NPAS3: variants seen among roughly 807,000 people sequenced by gnomAD.
The protein encoded by NPAS3 is neuronal PAS domain protein 3, also known as neuronal PAS domain-containing protein 3.
A neutral mutation model predicts 73.1 loss-of-function variants in NPAS3; 14 were observed. The ratio of observed to expected loss-of-function variants is 0.19; its 90% CI spans 0.13 to 0.30. The LOEUF (loss-of-function observed/expected upper bound fraction) is 0.30. Among genes scored for constraint, NPAS3 ranks in the 10% least tolerant of loss-of-function variants. The pLI, the probability that NPAS3 is intolerant of heterozygous loss-of-function variation, is 1.00. For missense variants in NPAS3, 1,096 were observed against 1,250.0 expected, an observed-to-expected ratio of 0.88 and a Z score of 1.86; for synonymous variants, 620 against 541.5, an observed-to-expected ratio of 1.14 and a Z score of -2.01.
At chr14:33,530,225 A>G (rs535743936) in intron 4 of NPAS3, among the ~76,000 whole-genome samples, 13 of 152,320 alleles carry the variant, frequency 8.5e-5, no homozygotes, top group African/African-American at 2.9e-4. Context: ...CTGTGCAGCT[A>G]GAAATAAATG....
intron 4 of NPAS3, among the ~76,000 whole-genome samples, chr14:33,378,489 A>G (rs2046398546): frequency 6.6e-6 from 1 of 152,250 alleles, no homozygotes; most frequent in East Asian, 1.9e-4. Flanking sequence ...TACAAAAATT[A>G]GCTGGGTATG....
intron 3 of NPAS3, among the ~76,000 whole-genome samples, chr14:33,242,215 A>G (rs2048233387): frequency 6.6e-6 from 1 of 152,090 alleles, no homozygotes; most frequent in Non-Finnish European, 1.5e-5. Flanking sequence ...ATTGAGAATA[A>G]AAAACAAATA....
intron 5 of NPAS3, among the ~76,000 whole-genome samples, chr14:33,596,781 C>A (rs1236866020): frequency 6.6e-6 from 1 of 152,192 alleles, no homozygotes; most frequent in Non-Finnish European, 1.5e-5. Context: ...TATATTCATT[C>A]TTCAGCCATT....
In NPAS3 at chr14:33,455,340, A is replaced by G. The variant is rs112199513; in HGVS notation, c.468+88072A>G. 8.4e-3 allele frequency among the ~76,000 whole-genome samples: 1,274 copies of G among 152,294 alleles called. 13 individuals carry two copies. The highest frequency in any genetic ancestry group is 0.028 in the African/African-American group (1,174 of 41,558). On this transcript the variant is annotated intron_variant, in intron 4 of 11. Coordinates refer to ENST00000356141, the Ensembl canonical transcript of NPAS3. ...GGGTAGAAGCCAAAGTTTGTTATGA[A>G]TTTAAAACTTTGCTATGGTGCCTTC...
intron 5 of NPAS3, among the ~76,000 whole-genome samples, chr14:33,561,186 C>T (rs2055632047): frequency 6.6e-6 from 1 of 152,196 alleles, no homozygotes; most frequent in South Asian, 2.1e-4. Flanking sequence ...TCCTTTAAAG[C>T]AGGACCTACC....
intron 10 of NPAS3, among the ~76,000 whole-genome samples, chr14:33,797,033 C>T (rs959842277): frequency 6.6e-6 from 1 of 152,132 alleles, no homozygotes; most frequent in African/African-American, 2.4e-5. Flanking sequence ...TGAGAAGCTA[C>T]ATCAAGGGCC....
chr14:33,687,886 GTC>G (rs2060133011), intron 6 of NPAS3, among the ~76,000 whole-genome samples: 1 of 152,156 alleles, frequency 6.6e-6, no homozygotes, highest in Non-Finnish European at 1.5e-5. Context: ...CCCAATAGGA[GTC>G]AAAAAATTTT....
chr14:33,464,770 G>A (rs1040778648), intron 4 of NPAS3, among the ~76,000 whole-genome samples: 1 of 152,162 alleles, frequency 6.6e-6, no homozygotes, highest in Non-Finnish European at 1.5e-5. Context: ...GGAGCTGTTT[G>A]TACCTTCCTG....
intron 3 of NPAS3, among the ~76,000 whole-genome samples, chr14:33,341,660 T>C (rs1019350285): frequency 2.0e-5 from 3 of 152,158 alleles, no homozygotes; most frequent in Admixed American, 1.3e-4. Flanking sequence ...AATGCAGTGA[T>C]ACCTGTACTT....
intron 2 of NPAS3, among the ~76,000 whole-genome samples, chr14:33,175,320 A>G (rs2045548013): frequency 6.6e-6 from 1 of 152,170 alleles, no homozygotes; most frequent in Admixed American, 6.5e-5. Context: ...CAGAGTTGCT[A>G]TTCTGTCCTT....
At chr14:33,648,532 G>C (rs1595360286) in intron 5 of NPAS3, among the ~76,000 whole-genome samples, 1 of 152,168 alleles carries the variant, frequency 6.6e-6, no homozygotes, top group South Asian at 2.1e-4. Flanking sequence ...AATCTTTGAA[G>C]GCCCAATTTA....
In NPAS3 at chr14:33,506,231, A is replaced by G. The variant is rs533120086; in HGVS notation, c.469-53890A>G. ...GCAAGGATATTTGCCTGTGTTATTT[A>G]TTGCTCAATAAACAATCTTAGAACA... On this transcript the variant is annotated intron_variant, in intron 4 of 11. Coordinates refer to ENST00000356141, the Ensembl canonical transcript of NPAS3. Among the ~76,000 whole-genome samples the G allele has an allele frequency of 6.6e-5, 10 of 152,140 alleles. No individual in the cohort carries two copies. The South Asian group carries it at 1.9e-3, about 28-fold the overall frequency.
intron 3 of NPAS3, among the ~76,000 whole-genome samples, chr14:33,280,201 T>G (rs1395668682): frequency 1.3e-5 from 2 of 151,872 alleles, no homozygotes; most frequent in Non-Finnish European, 2.9e-5. Flanking sequence ...AGTGTAATTA[T>G]AAACATACCC....
At chr14:33,392,773 T>C (rs1458475893) in intron 4 of NPAS3, among the ~76,000 whole-genome samples, 3 of 152,076 alleles carry the variant, frequency 2.0e-5, no homozygotes, top group African/African-American at 7.2e-5. Context: ...CTTACTCCAG[T>C]TGAATTTTGC....
intron 4 of NPAS3, among the ~76,000 whole-genome samples, chr14:33,441,518 G>A (rs61273714): frequency 0.15 from 22,803 of 152,162 alleles, 2,038 homozygotes; most frequent in East Asian, 0.42. Flanking sequence ...AATATTTCCA[G>A]TGATAGCAAA....
chr14:33,165,531 C>T (rs573305435), intron 2 of NPAS3, among the ~76,000 whole-genome samples: 9 of 151,862 alleles, frequency 5.9e-5, no homozygotes, highest in Non-Finnish European at 1.2e-4. Flanking sequence ...TCAAAGCATG[C>T]GTAGTGTAAA....
At chr14:32,957,676 T>C (rs566454377) in intron 1 of NPAS3, among the ~76,000 whole-genome samples, 1 of 152,264 alleles carries the variant, frequency 6.6e-6, no homozygotes, top group African/African-American at 2.4e-5. Context: ...CCGGCCTAAG[T>C]ATTCATTTTC....
intron 4 of NPAS3, among the ~76,000 whole-genome samples, chr14:33,431,437 C>G (rs28569997): frequency 0.09 from 13,626 of 152,096 alleles, 873 homozygotes; most frequent in African/African-American, 0.18. Flanking sequence ...ATTAAACATT[C>G]TTTGTTTTAT....
intron 1 of NPAS3, among the ~76,000 whole-genome samples, chr14:32,941,721 A>G (rs1595054527): frequency 6.6e-6 from 1 of 152,092 alleles, no homozygotes; most frequent in African/African-American, 2.4e-5. Flanking sequence ...GTTGGATCTG[A>G]GAAGGTTTAA....
Sources: allele counts gnomAD v4.1 joint callset (sites outside exome capture counted in the v4.1 genomes callset), GRCh38; gene constraint gnomAD v4.1.1; transcripts MANE v1.5; gene names NCBI Gene and HGNC (gene_info 2026-07-23, HGNC 2026-07-21).